CFDP1: variants seen among roughly 807,000 people sequenced by gnomAD.
The protein encoded by CFDP1 is chromatin remodeling protein CFDP1.
Under a neutral mutation model 40.1 loss-of-function variants are expected in CFDP1, and 31 were observed. The observed-to-expected ratio is 0.77, with a 90% CI of 0.58 to 1.04. CFDP1 has a LOEUF of 1.04. Ranked by LOEUF, CFDP1 falls within the 50% of genes least tolerant of loss-of-function variation. CFDP1 has a pLI of 0.00. For synonymous variants in CFDP1, 167 were observed against 120.0 expected, an observed-to-expected ratio of 1.39 and a Z score of -2.56; for missense variants, 423 against 343.4, an observed-to-expected ratio of 1.23 and a Z score of -1.83.
rs541535488 is a variant in CFDP1, at chr16:75,300,007, G to A, written c.809+5017C>T. Among the ~76,000 whole-genome samples the A allele has an allele frequency of 5.9e-5, 9 of 152,204 alleles. No individual in the cohort carries two copies. In the East Asian group the frequency reaches 1.4e-3, roughly 23 times the overall value. Reference sequence around the variant, plus strand: ...GACAGAGGTAGGCAGGGGACAGCTCGGGGAGGGCCTGGTTAACACTGATTT... The same window carrying A: ...GACAGAGGTAGGCAGGGGACAGCTCAGGGAGGGCCTGGTTAACACTGATTT... On this transcript the variant is annotated intron_variant, in intron 6 of 6. Transcript: ENST00000283882.
intron 4 of CFDP1, among the ~76,000 whole-genome samples, chr16:75,410,908 CAAAAAAAAA>C (rs74355496): frequency 8.0e-5 from 5 of 62,608 alleles, no homozygotes; most frequent in African/African-American, 3.2e-4. Context: ...GACTCTGTCT[CAAAAAAAAA>C]AAAAAAAAAG....
intron 5 of CFDP1, among the ~76,000 whole-genome samples, chr16:75,382,886 G>C (rs894593176): frequency 6.6e-6 from 1 of 152,122 alleles, no homozygotes; most frequent in Non-Finnish European, 1.5e-5. Context: ...CAAGCAGCTA[G>C]GACTAAAAGA....
chr16:75,294,651 T>G (rs2078169313), intron 6 of CFDP1, among the ~76,000 whole-genome samples: 1 of 152,214 alleles, frequency 6.6e-6, no homozygotes. Context: ...TTTCTTCCCC[T>G]CATCCTTTTC....
intron 6 of CFDP1, among the ~76,000 whole-genome samples, chr16:75,299,536 A>G (rs1282427827): frequency 2.6e-5 from 4 of 151,824 alleles, no homozygotes; most frequent in African/African-American, 9.7e-5. Flanking sequence ...CGGAGTTTGC[A>G]GTGAGCTGAG....
intron 5 of CFDP1, among the ~76,000 whole-genome samples, chr16:75,393,423 CA>C (rs1224313911): frequency 6.6e-6 from 1 of 152,022 alleles, no homozygotes; most frequent in Non-Finnish European, 1.5e-5. Flanking sequence ...GCCAGGGCTG[CA>C]AAGATGGGGA....
At chr16:75,344,822 C>T (rs532974496) in intron 5 of CFDP1, among the ~76,000 whole-genome samples, 1 of 152,100 alleles carries the variant, frequency 6.6e-6, no homozygotes, top group East Asian at 1.9e-4. Flanking sequence ...GTCCCAGCTA[C>T]TTGGGAGGGT....
At chr16:75,341,400 G>C (rs1350666597) in intron 5 of CFDP1, among the ~76,000 whole-genome samples, 1 of 152,160 alleles carries the variant, frequency 6.6e-6, no homozygotes, top group Non-Finnish European at 1.5e-5. Context: ...ATAATGTTCA[G>C]AAAGGTTTTC....
chr16:75,420,549 G>A (rs1333588900), intron 1 of CFDP1, among the ~76,000 whole-genome samples: 2 of 152,216 alleles, frequency 1.3e-5, no homozygotes, highest in East Asian at 1.9e-4. Flanking sequence ...GATTAAAAGA[G>A]ACTCAAGGAT....
intron 5 of CFDP1, 108 bp downstream of exon 5, chr16:75,394,982 A>C (rs2078984012): frequency 7.4e-7 from 1 of 1,345,022 alleles, no homozygotes; most frequent in Non-Finnish European, 1.0e-6. Flanking sequence ...GCAGCATCAT[A>C]ATTCTCTCTC....
intron 5 of CFDP1, among the ~76,000 whole-genome samples, chr16:75,316,386 A>C (rs2078323198): frequency 6.6e-6 from 1 of 152,160 alleles, no homozygotes; most frequent in African/African-American, 2.4e-5. Flanking sequence ...CAGACAGACT[A>C]GGGTGAATTA....
At chr16:75,416,505 A>C (rs2079207287) in intron 1 of CFDP1, among the ~76,000 whole-genome samples, 2 of 151,982 alleles carry the variant, frequency 1.3e-5, no homozygotes, top group South Asian at 4.1e-4. Flanking sequence ...TCACGCCTAT[A>C]ATCTCAGCCC....
chr16:75,343,628 G>T (rs1239635438), intron 5 of CFDP1, among the ~76,000 whole-genome samples: 1 of 152,232 alleles, frequency 6.6e-6, no homozygotes, highest in Non-Finnish European at 1.5e-5. Flanking sequence ...AAGAGTTCAT[G>T]ACTTCATCAC....
intron 1 of CFDP1, among the ~76,000 whole-genome samples, chr16:75,428,131 GTT>G (rs35270132): frequency 4.6e-4 from 66 of 142,596 alleles, no homozygotes; most frequent in Admixed American, 4.8e-4. Context: ...GGGGAAATTT[GTT>G]TTTTTTTTTT....
chr16:75,336,725 C>T (rs1247592198), intron 5 of CFDP1, among the ~76,000 whole-genome samples: 6 of 152,230 alleles, frequency 3.9e-5, no homozygotes, highest in Non-Finnish European at 5.9e-5. Flanking sequence ...GTGGTTACTG[C>T]TGGACTGCCA....
At chr16:75,316,959 C>A (rs781437441) in intron 5 of CFDP1, among the ~76,000 whole-genome samples, 3 of 151,518 alleles carry the variant, frequency 2.0e-5, no homozygotes, top group African/African-American at 4.9e-5. Flanking sequence ...CCAGCCTGGG[C>A]GACAAGAGTG....
intron 6 of CFDP1, among the ~76,000 whole-genome samples, chr16:75,298,785 CCTT>C (rs1432616696): frequency 6.6e-6 from 1 of 152,176 alleles, no homozygotes; most frequent in Non-Finnish European, 1.5e-5. Context: ...TTCTCCACTG[CCTT>C]CTTCCCCTAT....
intron 5 of CFDP1, among the ~76,000 whole-genome samples, chr16:75,376,546 A>G (rs2078798527): frequency 6.6e-6 from 1 of 152,228 alleles, no homozygotes; most frequent in Non-Finnish European, 1.5e-5. Context: ...AAACTAATCT[A>G]TCATGATAAA....
intron 5 of CFDP1, among the ~76,000 whole-genome samples, chr16:75,381,578 C>T (rs1177872740): frequency 6.6e-6 from 1 of 152,054 alleles, no homozygotes; most frequent in African/African-American, 2.4e-5. Flanking sequence ...CAGTTTTGGC[C>T]CAGCAGATGA....
At chr16:75,357,886 G>C (rs1472988004) in intron 5 of CFDP1, among the ~76,000 whole-genome samples, 1 of 152,250 alleles carries the variant, frequency 6.6e-6, no homozygotes, top group South Asian at 2.1e-4. Flanking sequence ...GCCTGTCTTG[G>C]CTTTCAACAT....
Sources: gnomAD v4.1 joint callset for allele counts (sites outside exome capture counted in the v4.1 genomes callset) on GRCh38, gnomAD v4.1.1 for gene constraint, MANE v1.5 for transcripts, NCBI Gene and HGNC (gene_info 2026-07-23, HGNC 2026-07-21) for gene names.